Variants in CDH12 observed in about 807,000 individuals in gnomAD.
CDH12 encodes cadherin-12.
In CDH12, 41 loss-of-function variants were observed where a neutral mutation model predicts 74.1. The observed-to-expected ratio is 0.55, with a 90% confidence interval of 0.43 to 0.72. CDH12 has a LOEUF of 0.72. CDH12 is among the 30% of genes least tolerant of loss of function. CDH12 has a pLI of 0.00. For synonymous variants in CDH12, 399 were observed against 355.0 expected, an observed-to-expected ratio of 1.12 and a Z score of -1.39; for missense variants, 945 against 977.2, an observed-to-expected ratio of 0.97 and a Z score of 0.44.
At chr5:22,799,402 T>G (rs2126411740) in intron 1 of CDH12, among the ~76,000 whole-genome samples, 1 of 152,296 alleles carries the variant, frequency 6.6e-6, no homozygotes, top group African/African-American at 2.4e-5. Context: ...GTAAATAAAT[T>G]CTACATAATT....
chr5:21,842,137 G>A (rs776797824), intron 8 of CDH12, 24 bp downstream of exon 8: 1 of 1,581,602 alleles, frequency 6.3e-7, no homozygotes, highest in Non-Finnish European at 8.6e-7. Context: ...CAATAATTTA[G>A]GCTTAACAGG....
Position 22,282,892 on chromosome 5 carries a change from T to C in CDH12, c.-332-70249A>G, listed in dbSNP as rs373620547. On this transcript the variant is annotated intron_variant, in intron 3 of 14. Coordinates refer to ENST00000382254, the MANE Select transcript of CDH12 (RefSeq NM_004061.5). ...GACCCAGCAATCCCATTACTGAGTGTATACCCAAAGGATTATAAATCATTC... is the reference window on the plus strand; with the variant it reads ...GACCCAGCAATCCCATTACTGAGTGCATACCCAAAGGATTATAAATCATTC... Among the ~76,000 whole-genome samples, 43 of 152,228 alleles carry C rather than the reference T, an allele frequency of 2.8e-4. No homozygotes were observed. The East Asian group carries it at 8.1e-3, about 29-fold the overall frequency.
intron 3 of CDH12, among the ~76,000 whole-genome samples, chr5:22,238,127 C>A (rs1370967973): frequency 6.6e-6 from 1 of 152,194 alleles, no homozygotes; most frequent in African/African-American, 2.4e-5. Flanking sequence ...CAAGAACAGA[C>A]CAACCCTCCA....
At chr5:22,199,001 C>CT (rs1470290924) in intron 4 of CDH12, among the ~76,000 whole-genome samples, 2 of 151,954 alleles carry the variant, frequency 1.3e-5, no homozygotes, top group African/African-American at 4.8e-5. Flanking sequence ...TAACCTCAAA[C>CT]TACAATGTGT....
chr5:21,768,710 A>G (rs1237104673), intron 11 of CDH12, among the ~76,000 whole-genome samples: 5 of 152,040 alleles, frequency 3.3e-5, no homozygotes, highest in African/African-American at 1.2e-4. Context: ...ATTCTATCAA[A>G]TATTTAAGGA....
At chr5:21,799,305 G>C (rs1017137824) in intron 10 of CDH12, among the ~76,000 whole-genome samples, 2 of 152,052 alleles carry the variant, frequency 1.3e-5, no homozygotes, top group Non-Finnish European at 2.9e-5. Context: ...GGAGTAGCTT[G>C]GTTCCTCACA....
chr5:22,064,075 G>C (rs978731806), intron 5 of CDH12, among the ~76,000 whole-genome samples: 1 of 151,762 alleles, frequency 6.6e-6, no homozygotes. Context: ...GAAGTTCAGG[G>C]GTCCACTTAT....
intron 3 of CDH12, among the ~76,000 whole-genome samples, chr5:22,395,634 A>G (rs1432119587): frequency 6.6e-6 from 1 of 152,070 alleles, no homozygotes; most frequent in African/African-American, 2.4e-5. Flanking sequence ...TAAATATAAG[A>G]TATGTCTAAT....
At chr5:21,880,774 A>G (rs1247549042) in intron 6 of CDH12, among the ~76,000 whole-genome samples, 1 of 150,566 alleles carries the variant, frequency 6.6e-6, no homozygotes, top group Admixed American at 6.7e-5. Flanking sequence ...GTGACGTCTA[A>G]TAGAAAGTAG....
intron 3 of CDH12, among the ~76,000 whole-genome samples, chr5:22,395,382 T>C (rs1054124761): frequency 3.9e-5 from 6 of 152,072 alleles, no homozygotes; most frequent in African/African-American, 1.4e-4. Context: ...TGCCAACACA[T>C]TGATTTTGGA....
intron 3 of CDH12, among the ~76,000 whole-genome samples, chr5:22,275,381 TA>T (rs1736589405): frequency 6.6e-6 from 1 of 152,192 alleles, no homozygotes; most frequent in African/African-American, 2.4e-5. Flanking sequence ...CATTACATTT[TA>T]AAAACAGTAA....
chr5:22,276,956 A>G lies in CDH12; in HGVS notation c.-332-64313T>C, dbSNP rs566093051. Among the ~76,000 whole-genome samples, 3 of 152,364 alleles carry G rather than the reference A, an allele frequency of 2.0e-5. No homozygotes were observed. In the East Asian group the frequency reaches 5.8e-4, roughly 29 times the overall value. On this transcript the variant is annotated intron_variant, in intron 3 of 14. Coordinates refer to ENST00000382254, the MANE Select transcript of CDH12 (RefSeq NM_004061.5). ...TATAGATGAGAAAATGGAGGCAAGC[A>G]AGATTAAGTCACTTGCCAAGTGACT...
At chr5:22,773,906 A>G (rs1746949917) in intron 1 of CDH12, among the ~76,000 whole-genome samples, 1 of 152,172 alleles carries the variant, frequency 6.6e-6, no homozygotes, top group Admixed American at 6.6e-5. Flanking sequence ...CATCACTATC[A>G]GAGAAATGCA....
At chr5:22,151,358 C>G (rs1221289169) in intron 4 of CDH12, among the ~76,000 whole-genome samples, 1 of 152,140 alleles carries the variant, frequency 6.6e-6, no homozygotes, top group Non-Finnish European at 1.5e-5. Flanking sequence ...AGTAAAGGAA[C>G]TCACTTTGGG....
intron 4 of CDH12, among the ~76,000 whole-genome samples, chr5:22,180,470 C>T (rs1749573166): frequency 2.0e-5 from 3 of 151,120 alleles, no homozygotes; most frequent in African/African-American, 4.9e-5. Context: ...ATACTCAATA[C>T]AAAAATCACA....
chr5:22,013,908 T>C (rs1257094795), intron 5 of CDH12, among the ~76,000 whole-genome samples: 1 of 152,090 alleles, frequency 6.6e-6, no homozygotes, highest in African/African-American at 2.4e-5. Context: ...TTCTACATCT[T>C]GAGTGAGAAA....
chr5:22,435,434 G>A (rs1002498392), intron 2 of CDH12, among the ~76,000 whole-genome samples: 1 of 148,228 alleles, frequency 6.7e-6, no homozygotes, highest in South Asian at 2.2e-4. Context: ...GTATATATAC[G>A]TATATATGTA....
rs115535411 is a variant in CDH12, at chr5:22,103,404, G to A, written c.-186-24542C>T. 4.2e-3 allele frequency among the ~76,000 whole-genome samples: 638 copies of A among 152,226 alleles called. 2 individuals are homozygous for A. The highest frequency in any genetic ancestry group is 0.015 in the African/African-American group (608 of 41,552). On this transcript the variant is annotated intron_variant, in intron 4 of 14. Transcript: ENST00000382254. ...CCAAATGATAGAGGAAAAGATCTTA[G>A]CACCTCTGCAGCTGCTCATCAACAC...
At chr5:22,520,478 G>A (rs1434513584) in intron 1 of CDH12, among the ~76,000 whole-genome samples, 1 of 152,102 alleles carries the variant, frequency 6.6e-6, no homozygotes, top group African/African-American at 2.4e-5. Flanking sequence ...AACACTTATG[G>A]AGGTGCCCTT....
Sources: allele counts gnomAD v4.1 joint callset (sites outside exome capture counted in the v4.1 genomes callset), GRCh38; gene constraint gnomAD v4.1.1; transcripts MANE v1.5; gene names NCBI Gene and HGNC (gene_info 2026-07-23, HGNC 2026-07-21).